ACBD6: variants seen among roughly 807,000 people sequenced by gnomAD.
The protein encoded by ACBD6 is acyl-CoA binding domain containing 6.
In ACBD6, 28 loss-of-function variants were observed where a neutral mutation model predicts 37.2. The ratio of observed to expected loss-of-function variants is 0.75; its 90% CI spans 0.56 to 1.03. The LOEUF is 1.03. Among genes scored for constraint, ACBD6 ranks in the 50% least tolerant of loss-of-function variants. The pLI, the probability that ACBD6 is intolerant of heterozygous loss-of-function variation, is 0.00. For synonymous variants in ACBD6, 113 were observed against 126.8 expected, an observed-to-expected ratio of 0.89 and a Z score of 0.73; for missense variants, 340 against 337.4, an observed-to-expected ratio of 1.01 and a Z score of -0.06.
chr1:180,356,853 AAG>A lies in ACBD6; in HGVS notation c.663+40661_663+40662del, dbSNP rs200403984. On this transcript the variant is annotated intron_variant, in intron 6 of 7. Coordinates refer to ENST00000367595, the MANE Select transcript of ACBD6 (RefSeq NM_032360.4). ...GCAACAGAGCCAGACCTTGTCTCAA[AAG>A]AAAAAAAAAAACAAAGATTGTTTAT... Among the ~76,000 whole-genome samples the A allele has an allele frequency of 3.8e-3, 253 of 66,604 alleles. 10 individuals carry two copies. Among genetic ancestry groups the A allele is most frequent in the South Asian group, 7.5e-3 (9 of 1,204 alleles). The allele number at this position is 66,604 out of a possible 152,430, so 43.7% of individuals were successfully genotyped here.
intron 3 of ACBD6, among the ~76,000 whole-genome samples, chr1:180,440,982 T>C (rs530697741): frequency 6.6e-6 from 1 of 152,354 alleles, no homozygotes; most frequent in South Asian, 2.1e-4. Context: ...GTTTGCACTT[T>C]TGGCTATTGT....
At chr1:180,472,569 AAATT>A in intron 3 of ACBD6, among the ~76,000 whole-genome samples, 1 of 152,310 alleles carries the variant, frequency 6.6e-6, no homozygotes, top group South Asian at 2.1e-4. Context: ...AACGATTAAA[AAATT>A]AATAAAATCT....
chr1:180,274,053 C>T, exon 11 of ACBD6: 1 of 1,131,018 alleles, frequency 8.8e-7, no homozygotes, highest in Admixed American at 1.8e-5. Context: ...GTGTGTCTGA[C>T]CCATGCTTGG....
chr1:180,276,545 T>C (rs2764452), intron 9 of ACBD6: 1 of 152,180 alleles, frequency 6.6e-6, no homozygotes, highest in Non-Finnish European at 1.5e-5. Context: ...TTCTGTGCTA[T>C]TGGGAATTCT....
intron 3 of ACBD6, among the ~76,000 whole-genome samples, chr1:180,436,533 TTG>T (rs1300086043): frequency 2.0e-5 from 3 of 152,196 alleles, no homozygotes; most frequent in Non-Finnish European, 4.4e-5. Flanking sequence ...CCTTCTTGCG[TTG>T]TGTTTTTTTG....
At chr1:180,358,026 A>T (rs1413551355) in intron 6 of ACBD6, among the ~76,000 whole-genome samples, 1 of 152,260 alleles carries the variant, frequency 6.6e-6, no homozygotes, top group African/African-American at 2.4e-5. Context: ...GCTGGAAAGT[A>T]TGGTAGCCAT....
At chr1:180,488,103 TTGTG>T (rs59324454) in intron 3 of ACBD6, among the ~76,000 whole-genome samples, 2 of 150,762 alleles carry the variant, frequency 1.3e-5, no homozygotes, top group African/African-American at 2.4e-5. Context: ...TGTGTGTGTG[TTGTG>T]TGTGTGTGTG....
At chr1:180,335,714 G>A (rs1651684930) in intron 6 of ACBD6, among the ~76,000 whole-genome samples, 1 of 146,680 alleles carries the variant, frequency 6.8e-6, no homozygotes, top group Non-Finnish European at 1.5e-5. Flanking sequence ...GACACAGACT[G>A]GCAAACTGGG....
intron 6 of ACBD6, among the ~76,000 whole-genome samples, chr1:180,363,483 T>C (rs72714819): frequency 0.045 from 6,870 of 152,322 alleles, 227 homozygotes; most frequent in South Asian, 0.089. Flanking sequence ...TACTTTTGAG[T>C]TCCTTATTTT....
intron 6 of ACBD6, among the ~76,000 whole-genome samples, chr1:180,383,718 T>A (rs1653743953): frequency 6.6e-6 from 1 of 151,986 alleles, no homozygotes; most frequent in African/African-American, 2.4e-5. Context: ...GCTAAAGCAA[T>A]CCTGAGCAAA....
At chr1:180,389,081 G>A (rs1029811080) in intron 6 of ACBD6, among the ~76,000 whole-genome samples, 1 of 152,094 alleles carries the variant, frequency 6.6e-6, no homozygotes, top group Non-Finnish European at 1.5e-5. Flanking sequence ...GTATACATGT[G>A]CCATGTTGGT....
intron 5 of ACBD6, among the ~76,000 whole-genome samples, chr1:180,407,771 G>C (rs1647683982): frequency 6.6e-6 from 1 of 152,192 alleles, no homozygotes; most frequent in African/African-American, 2.4e-5. Flanking sequence ...TTAGAGAACT[G>C]TTGTAGAGAT....
At chr1:180,308,216 T>A (rs1047893511) in intron 7 of ACBD6, among the ~76,000 whole-genome samples, 1 of 152,232 alleles carries the variant, frequency 6.6e-6, no homozygotes, top group Non-Finnish European at 1.5e-5. Context: ...TCTTTTCTTG[T>A]GTTTTTGATT....
intron 4 of ACBD6, among the ~76,000 whole-genome samples, chr1:180,416,964 T>C (rs1324413775): frequency 3.9e-5 from 6 of 152,198 alleles, no homozygotes; most frequent in African/African-American, 1.4e-4. Flanking sequence ...AATTCATGTA[T>C]TTACTAAGCA....
chr1:180,480,679 A>G (rs942099213), intron 3 of ACBD6, among the ~76,000 whole-genome samples: 2 of 152,234 alleles, frequency 1.3e-5, no homozygotes, highest in Non-Finnish European at 2.9e-5. Flanking sequence ...TTGTAGAAGT[A>G]CTTGATTAGG....
chr1:180,455,996 AG>A (rs1441638607), intron 3 of ACBD6, among the ~76,000 whole-genome samples: 1 of 152,146 alleles, frequency 6.6e-6, no homozygotes, highest in African/African-American at 2.4e-5. Flanking sequence ...GGATCACCTG[AG>A]GTCAGGAGTT....
chr1:180,281,802 T>C (rs1271669629), intron 8 of ACBD6, among the ~76,000 whole-genome samples: 2 of 152,162 alleles, frequency 1.3e-5, no homozygotes, highest in African/African-American at 2.4e-5. Context: ...GGCCAAATCA[T>C]TAGGAAAAGG....
intron 6 of ACBD6, among the ~76,000 whole-genome samples, chr1:180,361,965 G>A (rs934517640): frequency 2.6e-5 from 4 of 151,654 alleles, no homozygotes; most frequent in Non-Finnish European, 5.9e-5. Context: ...ATGTTATAGA[G>A]GGAACACAAT....
intron 6 of ACBD6, among the ~76,000 whole-genome samples, chr1:180,351,722 G>T (rs750525359): frequency 6.6e-6 from 1 of 151,574 alleles, no homozygotes; most frequent in Non-Finnish European, 1.5e-5. Context: ...TTGCTAATGA[G>T]AATGTAAAAT....
Sources: gnomAD v4.1 joint callset for allele counts (sites outside exome capture counted in the v4.1 genomes callset) on GRCh38, gnomAD v4.1.1 for gene constraint, MANE v1.5 for transcripts, NCBI Gene and HGNC (gene_info 2026-07-23, HGNC 2026-07-21) for gene names.